MCMBP: variants seen among roughly 807,000 people sequenced by gnomAD.
MCMBP encodes the protein mini-chromosome maintenance complex-binding protein.
In MCMBP, 31 loss-of-function variants were observed where a neutral mutation model predicts 81.3. The ratio of observed to expected loss-of-function variants is 0.38; its 90% CI spans 0.29 to 0.51. MCMBP has a LOEUF of 0.51. MCMBP is among the 20% of genes least tolerant of loss of function. The pLI is 0.87. For synonymous variants in MCMBP, 267 were observed against 275.9 expected, an observed-to-expected ratio of 0.97 and a Z score of 0.32; for missense variants, 645 against 772.1, an observed-to-expected ratio of 0.84 and a Z score of 1.95.
At chr10:119,846,888 A>G (rs897629828) in intron 8 of MCMBP, among the ~76,000 whole-genome samples, 5 of 151,986 alleles carry the variant, frequency 3.3e-5, no homozygotes, top group African/African-American at 1.2e-4. Flanking sequence ...GAACTACTGG[A>G]AGACATATAT....
chr10:119,837,875 T>C (rs1852300911), intron 12 of MCMBP, among the ~76,000 whole-genome samples: 1 of 152,138 alleles, frequency 6.6e-6, no homozygotes, highest in South Asian at 2.1e-4. Context: ...TTTCAGCTTT[T>C]TAAAAAGCTA....
chr10:119,845,795 T>C (rs1274042639), intron 8 of MCMBP, among the ~76,000 whole-genome samples: 1 of 152,226 alleles, frequency 6.6e-6, no homozygotes, highest in Non-Finnish European at 1.5e-5. Flanking sequence ...AATTCTGAAA[T>C]TCCCTTCTGT....
intron 9 of MCMBP, 145 bp from the exon 10 acceptor site, chr10:119,842,740 C>A: frequency 4.9e-6 from 4 of 820,734 alleles, no homozygotes; most frequent in Non-Finnish European, 7.1e-6. Flanking sequence ...TGATGCTAAT[C>A]TTAAAAATAA....
chr10:119,862,943 T>C (rs1021606019), intron 1 of MCMBP, among the ~76,000 whole-genome samples: 1 of 152,264 alleles, frequency 6.6e-6, no homozygotes, highest in African/African-American at 2.4e-5. Context: ...GCCATCCTTG[T>C]ATCCTATCTG....
Position 119,840,826 on chromosome 10 carries a change from ATTT to A in MCMBP, c.1242+14_1242+16del. Reference sequence around the variant, plus strand: ...AAGTGTGCTTAGGTTTATAATACATATTTATATTCATCTTACTGCTGGAACAAG... The same window carrying A: ...AAGTGTGCTTAGGTTTATAATACATAATATTCATCTTACTGCTGGAACAAG... On this transcript the variant is annotated intron_variant, in intron 11 of 15. Transcript: ENST00000369077. 1 of 1,455,754 alleles carries A rather than the reference ATTT, an allele frequency of 6.9e-7. No individual in the cohort carries two copies. The highest frequency in any genetic ancestry group is 9.5e-7 in the Non-Finnish European group (1 of 1,055,818). 90.2% of individuals were successfully genotyped at this position (1,455,754 alleles called of 1,614,324 possible).
At chr10:119,850,617 TG>T (rs1399672214) in intron 6 of MCMBP, among the ~76,000 whole-genome samples, 1 of 151,214 alleles carries the variant, frequency 6.6e-6, no homozygotes, top group Admixed American at 6.6e-5. Context: ...GGCGTGGTGA[TG>T]GGGGCCTGTA....
At chr10:119,845,414 T>TA (rs1365711964) in intron 8 of MCMBP, among the ~76,000 whole-genome samples, 3 of 151,922 alleles carry the variant, frequency 2.0e-5, no homozygotes, top group African/African-American at 2.4e-5. Context: ...ATGTTGTTAA[T>TA]AAAAAAAATT....
intron 5 of MCMBP, among the ~76,000 whole-genome samples, chr10:119,854,361 A>T (rs1314923265): frequency 1.3e-5 from 2 of 151,502 alleles, no homozygotes; most frequent in African/African-American, 2.4e-5. Flanking sequence ...AAAATAAATT[A>T]TTAAAATAAA....
At chr10:119,836,751 G>A in intron 13 of MCMBP, 145 bp downstream of exon 13, 1 of 681,248 alleles carries the variant, frequency 1.5e-6, no homozygotes, top group South Asian at 2.5e-5. Flanking sequence ...ATGATCAGCA[G>A]TCACAGTTTT....
Position 119,869,690 on chromosome 10 carries a change from T to C in MCMBP, c.58+2837A>G, listed in dbSNP as rs1053037544. 4.6e-5 allele frequency among the ~76,000 whole-genome samples: 7 copies of C among 152,072 alleles called. No individual in the cohort carries two copies. The East Asian group carries it at 1.2e-3, about 25-fold the overall frequency. On this transcript the variant is annotated intron_variant, in intron 1 of 15. Transcript: ENST00000369077. ...AGGTTGCAGTGAGCCGAGATCACAC[T>C]GTTGCACTCCAGCCTGGGTGACAAG...
rs2134324997 is a variant in MCMBP at position 119,830,406 on chromosome 10, C to T, written c.*1068G>A. ...AAAACCTACCTGCAGTTGTACGAGG[C>T]TGTTACTGGAGTAGCAGATGTTAGC... On this transcript the variant is annotated 3_prime_UTR_variant, in exon 16 of 16. Transcript: ENST00000369077. 6.6e-6 allele frequency: 1 copy of T among 152,324 alleles called. No individual in the cohort carries two copies. The highest frequency in any genetic ancestry group is 3.4e-3 in the Middle Eastern group (1 of 294). The allele number at this position is 152,324 out of a possible 1,614,324, so 9.4% of individuals were successfully genotyped here. A position where few individuals can be genotyped will look rare whatever the true frequency, so the allele number is the denominator to read the frequency against.
Position 119,859,721 on chromosome 10 carries a change from T to G in MCMBP, c.144+78A>C. ...AATTTACATATTTTTAAATTACATGTGGGTTACTTAGTTACTCTACTAAGA... is the reference window on the plus strand; with the variant it reads ...AATTTACATATTTTTAAATTACATGGGGGTTACTTAGTTACTCTACTAAGA... On this transcript the variant is annotated intron_variant, in intron 2 of 15. Coordinates refer to ENST00000369077, the MANE Select transcript of MCMBP (RefSeq NM_001256378.2). 6.0e-6 allele frequency: 5 copies of G among 833,774 alleles called. No homozygotes were observed. In the South Asian group the frequency reaches 9.4e-5, roughly 16 times the overall value. The allele number at this position is 833,774 out of a possible 1,614,324, so 51.6% of individuals were successfully genotyped here.
rs1852211836 is a variant in MCMBP, at chr10:119,835,585, A to G, written c.1662T>C (p.Thr554=). Residue 554 remains threonine, a synonymous_variant, in exon 14 of 16, where the codon ACT becomes ACC. Transcript: ENST00000369077. Reference sequence around the variant, plus strand: ...TGCTATATTCCAAGAATCTCAAAAGAGTTAGATAAATGCGGAATTTGTTCA... The same window carrying G: ...TGCTATATTCCAAGAATCTCAAAAGGGTTAGATAAATGCGGAATTTGTTCA... ...SVLNKFRIYL[T]LLRFLEYSIS... 1.9e-6 allele frequency: 3 copies of G among 1,614,238 alleles called. No homozygotes were observed. Among genetic ancestry groups the G allele is most frequent in the Non-Finnish European group, 2.5e-6 (3 of 1,180,026 alleles).
intron 6 of MCMBP, among the ~76,000 whole-genome samples, chr10:119,852,152 C>CAAAA (rs34142128): frequency 6.2e-4 from 33 of 53,098 alleles, no homozygotes; most frequent in African/African-American, 2.7e-3. Context: ...AACTCTGTCT[C>CAAAA]AAAAAAAAAA....
chr10:119,849,285 T>C, intron 7 of MCMBP, 140 bp downstream of exon 7: 1 of 813,184 alleles, frequency 1.2e-6, no homozygotes, highest in Non-Finnish European at 1.8e-6. Flanking sequence ...TGATAAACTT[T>C]TGCTGCTTTA....
At chr10:119,859,013 A>T in intron 3 of MCMBP, 28 bp downstream of exon 3, 1 of 1,612,192 alleles carries the variant, frequency 6.2e-7, no homozygotes. Context: ...AATTAATACC[A>T]CAAATTCATG....
chr10:119,853,094 T>A lies in MCMBP; in HGVS notation c.530A>T (p.Gln177Leu), dbSNP rs1419038138. ...SYEDDDDMDL[Q>L]PNKQKDQHAG... is the part of the protein sequence containing the mutation. The stretch of plus-strand genomic sequence containing the variant: ...ATGTTGGTCTTTCTGCTTATTGGGC[T>A]GTAGGTCCATATCGTCATCATCTTC... The change falls in exon 6 of 16, where the codon CAG (glutamine) becomes CTG (leucine). Residue 177 changes from glutamine to leucine, a missense_variant. By Grantham distance (113) the Gln-to-Leu change is moderately radical. Transcript: ENST00000369077. The A allele has an allele frequency of 7.4e-6, 12 of 1,614,116 alleles. No individual in the cohort carries two copies. Among genetic ancestry groups the A allele is most frequent in the Non-Finnish European group, 1.0e-5 (12 of 1,180,048 alleles).
intron 1 of MCMBP, among the ~76,000 whole-genome samples, chr10:119,869,521 A>G (rs1589804817): frequency 6.6e-6 from 1 of 151,068 alleles, no homozygotes; most frequent in African/African-American, 2.4e-5. Flanking sequence ...GCAGTGAGCC[A>G]AGATTGTAAC....
chr10:119,867,448 C>T (rs958859696), intron 1 of MCMBP, among the ~76,000 whole-genome samples: 18 of 151,798 alleles, frequency 1.2e-4, no homozygotes, highest in African/African-American at 4.4e-4. Context: ...CCATGGCTGC[C>T]GGAGCTATTC....
Sources: allele counts gnomAD v4.1 joint callset (sites outside exome capture counted in the v4.1 genomes callset), GRCh38; gene constraint gnomAD v4.1.1; transcripts MANE v1.5; gene names NCBI Gene and HGNC (gene_info 2026-07-23, HGNC 2026-07-21).